EEPD1: variants seen among roughly 807,000 people sequenced by gnomAD.
EEPD1 encodes the protein endonuclease/exonuclease/phosphatase family domain containing 1, also known as endonuclease/exonuclease/phosphatase family domain-containing protein 1.
A neutral mutation model predicts 46.3 loss-of-function variants in EEPD1; 17 were observed. The ratio of observed to expected loss-of-function variants is 0.37; its 90% confidence interval spans 0.25 to 0.55. The LOEUF is 0.55. Among genes scored for constraint, EEPD1 ranks in the 20% least tolerant of loss-of-function variants. The probability of loss-of-function intolerance (pLI) is 0.83; values close to 1 mark genes in which losing one functional copy is unlikely to be tolerated. For missense variants in EEPD1, 673 were observed against 745.6 expected, an observed-to-expected ratio of 0.90 and a Z score of 1.13; for synonymous variants, 313 against 315.6, an observed-to-expected ratio of 0.99 and a Z score of 0.09.
At chr7:36,203,202 C>T (rs1785746016) in intron 2 of EEPD1, among the ~76,000 whole-genome samples, 2 of 152,172 alleles carry the variant, frequency 1.3e-5, no homozygotes, top group Admixed American at 6.5e-5. Flanking sequence ...AGGGCCATGC[C>T]AGTGTGCAGG....
intron 2 of EEPD1, among the ~76,000 whole-genome samples, chr7:36,236,044 C>T (rs529950628): frequency 2.7e-3 from 410 of 152,142 alleles, no homozygotes; most frequent in Admixed American, 4.6e-3. Context: ...CCTACCTCAT[C>T]CTCCTGAGTA....
intron 3 of EEPD1, among the ~76,000 whole-genome samples, chr7:36,257,684 T>C (rs548065660): frequency 6.6e-6 from 1 of 152,248 alleles, no homozygotes; most frequent in Non-Finnish European, 1.5e-5. Context: ...AGGTCATTTA[T>C]GTTCTTCTTT....
chr7:36,234,460 T>C (rs1375045837), intron 2 of EEPD1, among the ~76,000 whole-genome samples: 8 of 152,044 alleles, frequency 5.3e-5, no homozygotes, highest in Non-Finnish European at 1.2e-4. Flanking sequence ...TCGCTTGAGC[T>C]CAGGAGTTTG....
intron 3 of EEPD1, among the ~76,000 whole-genome samples, chr7:36,275,220 T>G (rs1426508311): frequency 1.3e-5 from 2 of 152,150 alleles, no homozygotes; most frequent in East Asian, 3.9e-4. Context: ...GGAAGCAGGA[T>G]GAGGATGGCC....
At chr7:36,184,180 C>A (rs1469464124) in intron 2 of EEPD1, among the ~76,000 whole-genome samples, 1 of 152,120 alleles carries the variant, frequency 6.6e-6, no homozygotes, top group African/African-American at 2.4e-5. Context: ...TGTGTTCTAA[C>A]AAAATTGTAT....
intron 2 of EEPD1, 132 bp downstream of exon 2, chr7:36,155,334 C>A: frequency 1.8e-6 from 2 of 1,109,806 alleles, no homozygotes; most frequent in Non-Finnish European, 2.4e-6. Context: ...TTCTTGAAGC[C>A]TCAGCCAATA....
intron 2 of EEPD1, among the ~76,000 whole-genome samples, chr7:36,203,412 A>G (rs1785751527): frequency 1.3e-5 from 2 of 152,270 alleles, no homozygotes; most frequent in African/African-American, 4.8e-5. Flanking sequence ...GCGGAAAACC[A>G]CCAGAAACTC....
Position 36,221,850 on chromosome 7 carries a change from T to C in EEPD1, c.879-17135T>C, listed in dbSNP as rs75169284. ...AAATAGCTGCAGTCATTATCCTGAT[T>C]TTACAGATGAGAAAATCCAATCTCT... is the stretch of plus-strand genomic sequence containing the variant. On this transcript the variant is annotated intron_variant, in intron 2 of 7. Coordinates refer to ENST00000242108, the MANE Select transcript of EEPD1 (RefSeq NM_030636.3). Among the ~76,000 whole-genome samples, 879 of 152,282 alleles carry C rather than the reference T, an allele frequency of 5.8e-3. 7 individuals carry two copies. The highest frequency in any genetic ancestry group is 9.8e-3 in the Non-Finnish European group (667 of 68,016).
At chr7:36,295,959 A>G (rs548144064) in intron 6 of EEPD1, among the ~76,000 whole-genome samples, 49 of 134,882 alleles carry the variant, frequency 3.6e-4, no homozygotes, top group African/African-American at 1.3e-3. Context: ...TGAACCCAGG[A>G]GGCAGAGGTT....
intron 2 of EEPD1, among the ~76,000 whole-genome samples, chr7:36,186,747 T>C (rs1785364813): frequency 1.3e-5 from 2 of 152,202 alleles, no homozygotes; most frequent in Non-Finnish European, 2.9e-5. Flanking sequence ...GTACACAGGG[T>C]CGTTGCTGCC....
chr7:36,223,451 A>G (rs140403540), intron 2 of EEPD1, among the ~76,000 whole-genome samples: 16 of 152,228 alleles, frequency 1.1e-4, no homozygotes, highest in African/African-American at 3.9e-4. Flanking sequence ...GTGGTTAAAC[A>G]TTGACCTGCA....
chr7:36,183,875 G>GTTTTTTTTTTT (rs35033256), intron 2 of EEPD1, among the ~76,000 whole-genome samples: 2 of 51,954 alleles, frequency 3.8e-5, no homozygotes, highest in Non-Finnish European at 6.4e-5. Flanking sequence ...CCTAGCCCTC[G>GTTTTTTTTTTT]TTTTTTTTTT....
intron 3 of EEPD1, among the ~76,000 whole-genome samples, chr7:36,279,227 G>A (rs1787225176): frequency 6.6e-6 from 1 of 152,142 alleles, no homozygotes; most frequent in Non-Finnish European, 1.5e-5. Flanking sequence ...TGGGTGCTGT[G>A]CTCTGTGCCA....
chr7:36,269,179 A>G (rs540347230), intron 3 of EEPD1, among the ~76,000 whole-genome samples: 2 of 152,268 alleles, frequency 1.3e-5, no homozygotes, highest in South Asian at 2.1e-4. Context: ...CTTATTTAGG[A>G]CTTCACGCGC....
At chr7:36,206,898 C>G (rs2115715421) in intron 2 of EEPD1, among the ~76,000 whole-genome samples, 1 of 152,134 alleles carries the variant, frequency 6.6e-6, no homozygotes, top group Admixed American at 6.5e-5. Context: ...AAAATATAAA[C>G]ATTAGCCAGG....
chr7:36,243,958 T>C (rs531513966), intron 3 of EEPD1, among the ~76,000 whole-genome samples: 202 of 151,238 alleles, frequency 1.3e-3, no homozygotes, highest in African/African-American at 4.8e-3. Context: ...AATGACGAGT[T>C]AATGGGTGCA....
intron 4 of EEPD1, among the ~76,000 whole-genome samples, chr7:36,283,309 G>A (rs1258245466): frequency 6.6e-6 from 1 of 152,198 alleles, no homozygotes; most frequent in African/African-American, 2.4e-5. Flanking sequence ...CAGGGAAGTG[G>A]GGGTGGGGAA....
intron 2 of EEPD1, among the ~76,000 whole-genome samples, chr7:36,165,807 T>G (rs914501454): frequency 6.6e-5 from 10 of 152,026 alleles, no homozygotes; most frequent in African/African-American, 2.4e-4. Context: ...AAGTCAAGAA[T>G]TTGACTCATA....
intron 6 of EEPD1, among the ~76,000 whole-genome samples, chr7:36,293,689 C>T (rs530308453): frequency 6.4e-4 from 97 of 152,272 alleles, no homozygotes; most frequent in African/African-American, 2.2e-3. Flanking sequence ...TTTAGCCGGG[C>T]GCCATGGCTC....
Sources: gnomAD v4.1 joint callset for allele counts (sites outside exome capture counted in the v4.1 genomes callset) on GRCh38, gnomAD v4.1.1 for gene constraint, MANE v1.5 for transcripts, NCBI Gene and HGNC (gene_info 2026-07-23, HGNC 2026-07-21) for gene names.